Variants in BICRA observed in about 807,000 individuals in gnomAD.
BICRA encodes BRD4 interacting chromatin remodeling complex associated protein, also known as BRD4-interacting chromatin-remodeling complex-associated protein.
In BICRA, 31 loss-of-function variants were observed where a neutral mutation model predicts 96.9. That is an observed-to-expected ratio of 0.32 (90% confidence interval 0.24 to 0.43). The LOEUF (loss-of-function observed/expected upper bound fraction) is 0.43, where lower values mean the gene tolerates loss of function less well. Ranked by LOEUF, BICRA falls within the 20% of genes least tolerant of loss-of-function variation. The pLI, the probability that BICRA is intolerant of heterozygous loss-of-function variation, is 1.00. For missense variants in BICRA, 2,283 were observed against 2,190.3 expected (o/e 1.04, Z -0.84); for synonymous variants, 1,350 against 1,071.8 (o/e 1.26, Z -5.07).
chr19:47,614,957 G>A (rs547171678), intron 1 of BICRA, among the ~76,000 whole-genome samples: 45 of 152,226 alleles, frequency 3.0e-4, no homozygotes, highest in Non-Finnish European at 5.6e-4. Context: ...TAGCTCTTAC[G>A]GAGCACCTTT....
intron 6 of BICRA, among the ~76,000 whole-genome samples, chr19:47,681,625 G>A (rs1231908273): frequency 2.0e-5 from 3 of 152,114 alleles, no homozygotes; most frequent in Non-Finnish European, 2.9e-5. Context: ...GAGAGGGACC[G>A]GCAGGGAGAG....
chr19:47,636,503 C>G (rs772739274), intron 1 of BICRA, among the ~76,000 whole-genome samples: 1 of 152,116 alleles, frequency 6.6e-6, no homozygotes, highest in African/African-American at 2.4e-5. Context: ...TGAGCTACTG[C>G]GCCCAGCCTG....
At chr19:47,612,644 G>A (rs1043053121) in intron 1 of BICRA, among the ~76,000 whole-genome samples, 4 of 151,758 alleles carry the variant, frequency 2.6e-5, no homozygotes, top group Non-Finnish European at 5.9e-5. Flanking sequence ...AGGGGCTGGG[G>A]GGCTGACGGA....
At chr19:47,613,266 C>T (rs1237551972) in intron 1 of BICRA, among the ~76,000 whole-genome samples, 5 of 152,154 alleles carry the variant, frequency 3.3e-5, no homozygotes, top group African/African-American at 1.2e-4. Flanking sequence ...CAGGTCTAGC[C>T]AGCAGCCCAG....
intron 1 of BICRA, among the ~76,000 whole-genome samples, chr19:47,619,556 G>C (rs1320865986): frequency 6.7e-6 from 1 of 149,648 alleles, no homozygotes; most frequent in East Asian, 2.1e-4. Context: ...ACTGGTCCCA[G>C]CCTCTCCCAA....
intron 1 of BICRA, among the ~76,000 whole-genome samples, chr19:47,623,349 G>GCGCT (rs1165628059): frequency 6.6e-6 from 1 of 152,094 alleles, no homozygotes; most frequent in Non-Finnish European, 1.5e-5. Context: ...TCCCTGCTGT[G>GCGCT]CGCTCCATGG....
intron 1 of BICRA, among the ~76,000 whole-genome samples, chr19:47,610,608 A>ACCCCCC (rs35080234): frequency 9.6e-5 from 13 of 135,018 alleles, no homozygotes; most frequent in Non-Finnish European, 1.6e-4. Flanking sequence ...CCCTTTTGTC[A>ACCCCCC]CCCCCCCCCC....
chr19:47,658,560 A>G (rs888899695), intron 1 of BICRA, among the ~76,000 whole-genome samples: 2 of 144,960 alleles, frequency 1.4e-5, no homozygotes, highest in African/African-American at 5.2e-5. Context: ...TGAACCGGGG[A>G]GGCAGAGTTT....
At chr19:47,665,309 T>G (rs1424332963) in intron 1 of BICRA, among the ~76,000 whole-genome samples, 2 of 152,244 alleles carry the variant, frequency 1.3e-5, no homozygotes, top group African/African-American at 4.8e-5. Flanking sequence ...CCCACAGATA[T>G]TTATTGAGCT....
intron 1 of BICRA, among the ~76,000 whole-genome samples, chr19:47,638,459 G>A (rs1972333097): frequency 6.6e-6 from 1 of 151,996 alleles, no homozygotes; most frequent in Admixed American, 6.6e-5. Flanking sequence ...CTAGTGACAA[G>A]TCTCCTCCCT....
Position 47,702,308 on chromosome 19 carries a change from G to A in BICRA, c.4576G>A (p.Ala1526Thr). 1 of 1,574,370 alleles carries A rather than the reference G, an allele frequency of 6.4e-7. No individual in the cohort carries two copies. The highest frequency in any genetic ancestry group is 8.6e-7 in the Non-Finnish European group (1 of 1,168,194). ...GRTPAPSYPH[A>T]ASAGTPASPP... ...GACGCCCGCGCCCTCGTACCCCCAC[G>A]CTGCCTCGGCCGGCACCCCCGCATC... Residue 1526 changes from alanine to threonine, a missense_variant, in exon 15 of 15, where the codon GCT becomes ACT. Physicochemically the swap from Ala to Thr is moderately conservative, Grantham distance 58. Transcript: ENST00000594866.
intron 1 of BICRA, among the ~76,000 whole-genome samples, chr19:47,613,830 GA>G (rs1971946001): frequency 6.6e-6 from 1 of 152,102 alleles, no homozygotes; most frequent in Non-Finnish European, 1.5e-5. Flanking sequence ...GTGTCTCAGT[GA>G]CACGCAAGTT....
chr19:47,632,340 G>A (rs576180144), intron 1 of BICRA, among the ~76,000 whole-genome samples: 6 of 152,350 alleles, frequency 3.9e-5, no homozygotes, highest in South Asian at 2.1e-4. Context: ...GGCCTGTGCC[G>A]GACTCTGGGG....
Position 47,694,205 on chromosome 19 carries a change from C to T in BICRA, c.2374C>T (p.Pro792Ser). The T allele has an allele frequency of 3.4e-6, 3 of 879,394 alleles. No homozygotes were observed. Among genetic ancestry groups the T allele is most frequent in the South Asian group, 1.6e-5 (1 of 61,466 alleles). The allele number at this position is 879,394 out of a possible 1,614,324, so 54.5% of individuals were successfully genotyped here. Residue 792 changes from proline (P) to serine (S), a missense_variant, in exon 8 of 15, where the codon CCC (proline) becomes TCC (serine). Coordinates refer to ENST00000594866, the MANE Select transcript of BICRA (RefSeq NM_001394372.1). ...CCCTCTGGGGGACAGCCCCCACCTG[C>T]CCTCCCCACACCCCACCCGGCCCCC... is the stretch of plus-strand genomic sequence containing the variant. The part of the protein sequence containing the change: ...QAPLGDSPHL[P>S]SPHPTRPPSR...
At position 47,680,707 on chromosome 19, in the gene BICRA, C is replaced by T. The variant is rs749644012; in HGVS notation, c.1537C>T (p.Pro513Ser). The T allele has an allele frequency of 1.0e-5, 16 of 1,601,718 alleles. No homozygotes were observed. The highest frequency in any genetic ancestry group is 1.4e-5 in the Non-Finnish European group (16 of 1,174,994). ...CACAGGTGGACAGCTCATCGCGAAC[C>T]CCATCCTCACAAACCAGAACCTGGC... ...PHTGGQLIAN[P>S]ILTNQNLAGP... Residue 513 changes from proline (P) to serine (S), a missense_variant, in exon 6 of 15, where the codon CCC becomes TCC. By Grantham distance (74) the Pro-to-Ser change is moderately conservative (BLOSUM62 -1). Coordinates refer to ENST00000594866, the MANE Select transcript of BICRA (RefSeq NM_001394372.1).
Position 47,701,916 on chromosome 19 carries a change from TG to T in BICRA, c.4190del (p.Gly1397AlafsTer48), listed in dbSNP as rs2123617547. 2 of 1,434,240 alleles carry T rather than the reference TG, an allele frequency of 1.4e-6. No individual in the cohort carries two copies. The highest frequency in any genetic ancestry group is 3.1e-5 in the East Asian group (1 of 32,524). 88.8% of individuals were successfully genotyped at this position (1,434,240 alleles called of 1,614,324 possible). ...LPLRKTYREN[V>X]GGPGAPEGTP... ...CTGCGCAAGACCTACCGCGAGAACG[TG>T]GGGGGCCCTGGCGCGCCGGAGGGGA... On this transcript the variant is annotated frameshift_variant, in exon 15 of 15. Transcript: ENST00000594866. LOFTEE classifies it high-confidence loss of function. The surrounding 1 kb of genome is among the most constrained non-coding windows in gnomAD (Gnocchi z 5.4).
Position 47,696,498 on chromosome 19 carries a change from C to G in BICRA, c.3234C>G (p.Pro1078=), listed in dbSNP as rs1260919635. The change falls in exon 11 of 15, where the codon CCC becomes CCG. Residue 1078 remains proline (P), a synonymous_variant. Coordinates refer to ENST00000594866, the MANE Select transcript of BICRA (RefSeq NM_001394372.1). ...SGLKKPPTLQ[P]SKEACFLEHL... The stretch of plus-strand genomic sequence containing the variant: ...TGAAGAAGCCCCCCACGCTTCAGCC[C>G]AGCAAGGAAGCCTGGTGAGTCCACA... 1.2e-6 allele frequency: 2 copies of G among 1,604,486 alleles called. No individual in the cohort carries two copies. The highest frequency in any genetic ancestry group is 8.5e-7 in the Non-Finnish European group (1 of 1,175,652).
At chr19:47,618,630 C>G (rs1972017834) in intron 1 of BICRA, among the ~76,000 whole-genome samples, 1 of 152,184 alleles carries the variant, frequency 6.6e-6, no homozygotes, top group Non-Finnish European at 1.5e-5. Context: ...TCTGCACTCT[C>G]CCTTTGAAGT....
At chr19:47,670,287 T>C (rs541790366) in intron 1 of BICRA, among the ~76,000 whole-genome samples, 156 bp from the exon 2 acceptor site, 75 of 152,158 alleles carry the variant, frequency 4.9e-4, no homozygotes, top group Non-Finnish European at 9.9e-4. Context: ...AAACTTCCCT[T>C]GAATGTTGCC....
Sources: gnomAD v4.1 joint callset for allele counts (sites outside exome capture counted in the v4.1 genomes callset) on GRCh38, gnomAD v4.1.1 for gene constraint, Gnocchi (gnomAD v3.1) non-coding constraint, MANE v1.5 for transcripts, NCBI Gene and HGNC (gene_info 2026-07-23, HGNC 2026-07-21) for gene names.